Variants in LMF1 observed in about 807,000 individuals in gnomAD.
The protein encoded by LMF1 is lipase maturation factor 1.
LMF1 carries 68 observed loss-of-function variants against 60.6 expected under a neutral mutation model. That is an observed-to-expected ratio of 1.12 (90% confidence interval 0.92 to 1.37). The LOEUF (loss-of-function observed/expected upper bound fraction) is 1.37, where lower values mean the gene tolerates loss of function less well. Ranked by LOEUF, LMF1 falls within the 40% of genes most tolerant of loss-of-function variation. The probability of loss-of-function intolerance (pLI) is 0.00; values close to 1 mark genes in which losing one functional copy is unlikely to be tolerated. For synonymous variants in LMF1, 418 were observed against 324.7 expected (o/e 1.29, Z -3.09); for missense variants, 948 against 767.2 (o/e 1.24, Z -2.78).
rs1008273963 is a variant in LMF1, at chr16:878,752, A to T, written c.897+818T>A. 4.0e-5 allele frequency among the ~76,000 whole-genome samples: 2 copies of T among 50,138 alleles called. No homozygotes were observed. Among genetic ancestry groups the T allele is most frequent in the African/African-American group, 1.9e-4 (2 of 10,588 alleles). The allele number at this position is 50,138 out of a possible 152,430, so 32.9% of individuals were successfully genotyped here. ...GGCAGGGCAGGGGAAGGGCGGGGGC[A>T]GGGGCGGGCAGGGCAGGGGAAGGGG... On this transcript the variant is annotated intron_variant, in intron 6 of 10. Coordinates refer to ENST00000262301, the MANE Select transcript of LMF1 (RefSeq NM_022773.4). This position sits in a 1 kb window ranked among gnomAD's most constrained non-coding sequence, Gnocchi z 5.2.
intron 1 of LMF1, among the ~76,000 whole-genome samples, chr16:964,932 A>AGGCGC (rs2072893854): frequency 1.3e-5 from 2 of 152,266 alleles, no homozygotes; most frequent in Non-Finnish European, 2.9e-5. Context: ...GGCGGTGAGC[A>AGGCGC]GGCGCACAGA....
intron 4 of LMF1, chr16:900,902 T>G (rs1037065887): frequency 1.3e-5 from 2 of 152,210 alleles, no homozygotes; most frequent in African/African-American, 4.8e-5. Flanking sequence ...ATGAGTTCTC[T>G]GGCTTCTCTT....
chr16:856,148 A>C, intron 10 of LMF1: 1 of 364,320 alleles, frequency 2.7e-6, no homozygotes, highest in Non-Finnish European at 5.4e-6. Flanking sequence ...TGATGCTGGC[A>C]GTTGGTGGCT....
chr16:918,858 T>G (rs545480602), intron 3 of LMF1, among the ~76,000 whole-genome samples: 1 of 148,716 alleles, frequency 6.7e-6, no homozygotes, highest in African/African-American at 2.4e-5. Context: ...ACCCCGACTC[T>G]CACGTGGGGC....
At position 854,240 on chromosome 16, in the gene LMF1, A is replaced by G. The variant is rs2151672399; in HGVS notation, c.*292T>C. 1.6e-6 allele frequency: 1 copy of G among 623,844 alleles called. No individual in the cohort carries two copies. 38.6% of individuals were successfully genotyped at this position (623,844 alleles called of 1,614,324 possible). On this transcript the variant is annotated 3_prime_UTR_variant, in exon 11 of 11. Transcript: ENST00000262301. ...CATTGTCTCAACTCCTGTGGGCGGC[A>G]CAGCCCCAGGCTGGGCCTCTGGGAG...
rs2069108149 is a variant in LMF1, at chr16:853,706, G to A, written c.*826C>T. 2 of 454,118 alleles carry A rather than the reference G, an allele frequency of 4.4e-6. No homozygotes were observed. Among genetic ancestry groups the A allele is most frequent in the Non-Finnish European group, 8.8e-6 (2 of 226,788 alleles). The allele number at this position is 454,118 out of a possible 1,614,324, so 28.1% of individuals were successfully genotyped here. Reference sequence around the variant, plus strand: ...TGCCATAGCTATGGCTCAAGAATAGGAATAAGAAAAATGTGCAGTAGACGC... The same window carrying A: ...TGCCATAGCTATGGCTCAAGAATAGAAATAAGAAAAATGTGCAGTAGACGC... On this transcript the variant is annotated 3_prime_UTR_variant, in exon 11 of 11. Transcript: ENST00000262301.
chr16:855,736 C>A (rs2069167653), intron 10 of LMF1: 3 of 455,974 alleles, frequency 6.6e-6, no homozygotes, highest in Non-Finnish European at 8.8e-6. Context: ...TCTCATGGCC[C>A]CTGGAATGAG....
intron 2 of LMF1, among the ~76,000 whole-genome samples, chr16:951,054 ATGACAGAGTCAGCCGACAGAGTCAGC>A (rs2072448355): frequency 2.1e-5 from 2 of 96,300 alleles, no homozygotes; most frequent in Non-Finnish European, 4.0e-5. Context: ...GAGTCAGCCA[ATGACAGAGTCAGCCGACAGAGTCAGC>A]CAACGACAGA....
chr16:920,790 G>A (rs1033273981), intron 3 of LMF1, among the ~76,000 whole-genome samples: 2 of 152,206 alleles, frequency 1.3e-5, no homozygotes, highest in African/African-American at 4.8e-5. Context: ...AACATAACAC[G>A]TTACACTGGA....
At chr16:978,185 CCACA>C (rs2073227835) in intron 1 of LMF1, among the ~76,000 whole-genome samples, 1 of 147,706 alleles carries the variant, frequency 6.8e-6, no homozygotes, top group Admixed American at 6.7e-5. Context: ...TACACGCACC[CCACA>C]CACATACATC....
At chr16:865,495 G>A (rs772672471) in intron 10 of LMF1, among the ~76,000 whole-genome samples, 24 of 152,136 alleles carry the variant, frequency 1.6e-4, no homozygotes, top group East Asian at 5.8e-4. Flanking sequence ...GATTACAGGC[G>A]TGTGGCACCA....
chr16:925,845 C>T (rs1011432721), intron 3 of LMF1, among the ~76,000 whole-genome samples: 3 of 152,246 alleles, frequency 2.0e-5, no homozygotes, highest in African/African-American at 7.2e-5. Flanking sequence ...TAATATGGCC[C>T]TGTTTGAGTA....
intron 2 of LMF1, among the ~76,000 whole-genome samples, chr16:945,036 C>A (rs943377093): frequency 6.7e-6 from 1 of 149,972 alleles, no homozygotes; most frequent in Non-Finnish European, 1.5e-5. Flanking sequence ...CATGGTGAAA[C>A]CCCATCTCTA....
chr16:946,312 A>G lies in LMF1; in HGVS notation c.503+8045T>C, dbSNP rs73483860. 8.4e-3 allele frequency among the ~76,000 whole-genome samples: 1,286 copies of G among 152,346 alleles called. 21 individuals are homozygous for G. The highest frequency in any genetic ancestry group is 0.029 in the African/African-American group (1,221 of 41,586). ...ATGTAGCCACTTGTGTGCTTTCCGAATTCACTGTATTGTTGCAAATCCCAG... is the reference window on the plus strand; with the variant it reads ...ATGTAGCCACTTGTGTGCTTTCCGAGTTCACTGTATTGTTGCAAATCCCAG... On this transcript the variant is annotated intron_variant, in intron 2 of 10. Coordinates refer to ENST00000262301, the MANE Select transcript of LMF1 (RefSeq NM_022773.4).
At chr16:934,361 G>A in intron 2 of LMF1, 107 bp from the exon 3 acceptor site, 1 of 1,451,050 alleles carries the variant, frequency 6.9e-7, no homozygotes, top group Non-Finnish European at 9.5e-7. Flanking sequence ...GCACGGTGTG[G>A]GGTCAGGGAA....
intron 5 of LMF1, chr16:885,012 G>A (rs1043296721): frequency 1.3e-5 from 2 of 152,258 alleles, no homozygotes; most frequent in Non-Finnish European, 1.5e-5. Flanking sequence ...ACACAATGAG[G>A]CTGTTCTTCC....
intron 5 of LMF1, among the ~76,000 whole-genome samples, chr16:884,547 ATG>A (rs1260777267): frequency 6.6e-6 from 1 of 152,254 alleles, no homozygotes; most frequent in East Asian, 1.9e-4. Context: ...GCTAGAAGAA[ATG>A]TCAAGTCTGT....
Position 950,616 on chromosome 16 carries a change from T to G in LMF1, c.503+3741A>C, listed in dbSNP as rs681943. Among the ~76,000 whole-genome samples, 183 of 105,264 alleles carry G rather than the reference T, an allele frequency of 1.7e-3. 2 individuals carry two copies. Among genetic ancestry groups the G allele is most frequent in the Non-Finnish European group, 2.6e-3 (145 of 54,742 alleles). 69.1% of individuals were successfully genotyped at this position (105,264 alleles called of 152,430 possible). A position where few individuals can be genotyped will look rare whatever the true frequency, so the allele number is the denominator to read the frequency against. On this transcript the variant is annotated intron_variant, in intron 2 of 10. Coordinates refer to ENST00000262301, the MANE Select transcript of LMF1 (RefSeq NM_022773.4). The stretch of plus-strand genomic sequence containing the variant: ...ACAGAGTCAGAGACAACGACAGAGT[T>G]AGAGACAACGACAGAGTCAGCCAAG...
intron 1 of LMF1, 67 bp downstream of exon 1, chr16:970,721 G>C: frequency 7.1e-7 from 1 of 1,411,900 alleles, no homozygotes; most frequent in Non-Finnish European, 9.6e-7. Context: ...GGAGTCTCGA[G>C]GGAGGGCGGG....
Sources: allele counts gnomAD v4.1 joint callset (sites outside exome capture counted in the v4.1 genomes callset), GRCh38; gene constraint gnomAD v4.1.1; non-coding constraint Gnocchi (gnomAD v3.1); transcripts MANE v1.5; gene names NCBI Gene and HGNC (gene_info 2026-07-23, HGNC 2026-07-21).